Variants in NTM observed in about 807,000 individuals in gnomAD.
The protein encoded by NTM is neurotrimin, also known as IgLON family member 2.
Under a neutral mutation model 42.1 loss-of-function variants are expected in NTM, and 13 were observed. The ratio of observed to expected loss-of-function variants is 0.31; its 90% CI spans 0.20 to 0.49. The LOEUF (loss-of-function observed/expected upper bound fraction) is 0.49, where lower values mean the gene tolerates loss of function less well. Among genes scored for constraint, NTM ranks in the 20% least tolerant of loss-of-function variants. The probability of loss-of-function intolerance (pLI) is 0.99; values close to 1 mark genes in which losing one functional copy is unlikely to be tolerated. For synonymous variants in NTM, 187 were observed against 179.2 expected (o/e 1.04, Z -0.35); for missense variants, 373 against 452.8 (o/e 0.82, Z 1.60).
intron 7 of NTM, among the ~76,000 whole-genome samples, chr11:132,321,945 G>A (rs2095578528): frequency 7.0e-6 from 1 of 142,910 alleles, no homozygotes; most frequent in South Asian, 2.3e-4. Flanking sequence ...ATAAGTGAAG[G>A]AGAAATAAAA....
intron 1 of NTM, among the ~76,000 whole-genome samples, chr11:131,857,861 A>T (rs1274275653): frequency 6.6e-6 from 1 of 152,150 alleles, no homozygotes; most frequent in Non-Finnish European, 1.5e-5. Context: ...CTAAACTAGA[A>T]ATCTGATCAA....
chr11:132,275,141 G>A (rs560035879), intron 4 of NTM, among the ~76,000 whole-genome samples: 27 of 152,134 alleles, frequency 1.8e-4, no homozygotes, highest in Middle Eastern at 3.4e-3. Context: ...GATGTTCTAC[G>A]TTCTCTTCAA....
At chr11:131,995,564 G>A (rs2067847532) in intron 2 of NTM, among the ~76,000 whole-genome samples, 1 of 152,148 alleles carries the variant, frequency 6.6e-6, no homozygotes, top group Non-Finnish European at 1.5e-5. Context: ...AAGATCCCAA[G>A]TGGAAGAGAG....
At chr11:132,212,419 G>C (rs1206428924) in intron 4 of NTM, among the ~76,000 whole-genome samples, 1 of 152,178 alleles carries the variant, frequency 6.6e-6, no homozygotes, top group Non-Finnish European at 1.5e-5. Flanking sequence ...AAGGTGTTCT[G>C]GGTGAACTTT....
intron 1 of NTM, among the ~76,000 whole-genome samples, chr11:131,901,897 A>G (rs2053214123): frequency 6.6e-6 from 1 of 152,228 alleles, no homozygotes. Context: ...GACCTGCAGT[A>G]CCACTGGTAG....
intron 1 of NTM, among the ~76,000 whole-genome samples, chr11:131,874,988 A>T (rs140473371): frequency 3.9e-5 from 6 of 152,318 alleles, no homozygotes; most frequent in Non-Finnish European, 5.9e-5. Flanking sequence ...GCCTATTTGT[A>T]TGACGGGGCC....
intron 1 of NTM, among the ~76,000 whole-genome samples, chr11:131,864,851 GC>G (rs958944980): frequency 1.1e-4 from 16 of 152,254 alleles, no homozygotes; most frequent in African/African-American, 3.4e-4. Context: ...GCTGATATCT[GC>G]CCTTTTTAAT....
intron 2 of NTM, among the ~76,000 whole-genome samples, chr11:132,109,959 C>T (rs2062943655): frequency 6.6e-6 from 1 of 152,338 alleles, no homozygotes; most frequent in South Asian, 2.1e-4. Context: ...CAGTCCTCCA[C>T]CTGACAGGCT....
chr11:131,604,072 CTG>C (rs1457515419), intron 1 of NTM, among the ~76,000 whole-genome samples: 1 of 152,098 alleles, frequency 6.6e-6, no homozygotes, highest in Non-Finnish European at 1.5e-5. Flanking sequence ...CATATGATAA[CTG>C]TGTTTAAAAT....
At position 131,726,535 on chromosome 11, in the gene NTM, G is replaced by A. The variant is rs570434373; in HGVS notation, c.83-185029G>A. ...GGCTTGTTGGTTCTGGAGAGTGATC[G>A]CACAGCACAGAACAGAAAATGGCTT... On this transcript the variant is annotated intron_variant, in intron 1 of 8. Coordinates refer to ENST00000683400, the MANE Select transcript of NTM (RefSeq NM_001352005.2). Among the ~76,000 whole-genome samples, 50 of 151,138 alleles carry A rather than the reference G, an allele frequency of 3.3e-4. 3 individuals carry two copies. Among genetic ancestry groups the A allele is most frequent in the African/African-American group, 1.1e-3 (44 of 40,530 alleles).
In NTM at chr11:131,387,042, T is replaced by A. The variant is rs570465893; in HGVS notation, c.82+16154T>A. On this transcript the variant is annotated intron_variant, in intron 1 of 8. Coordinates refer to ENST00000683400, the MANE Select transcript of NTM (RefSeq NM_001352005.2). ...ATCTCCACATCAATCAGAATATCCT[T>A]TCTCAGCCCAGTCTATCATTAACTT... is the stretch of plus-strand genomic sequence containing the variant. 3.9e-5 allele frequency among the ~76,000 whole-genome samples: 6 copies of A among 152,338 alleles called. No individual in the cohort carries two copies. The South Asian group carries it at 1.2e-3, about 32-fold the overall frequency.
chr11:132,233,240 A>C (rs1332294880), intron 4 of NTM, among the ~76,000 whole-genome samples: 1 of 152,136 alleles, frequency 6.6e-6, no homozygotes, highest in Non-Finnish European at 1.5e-5. Flanking sequence ...ACATGGTGAA[A>C]CCCTGTCTCT....
intron 1 of NTM, chr11:131,539,393 T>G (rs1346380877): frequency 6.6e-6 from 1 of 152,206 alleles, no homozygotes; most frequent in African/African-American, 2.4e-5. Context: ...CGAATGTGAA[T>G]GGGGATGAAC....
At chr11:132,318,148 G>T (rs569894429) in intron 7 of NTM, among the ~76,000 whole-genome samples, 1 of 152,300 alleles carries the variant, frequency 6.6e-6, no homozygotes, top group Non-Finnish European at 1.5e-5. Flanking sequence ...AGGAGGATAG[G>T]CATGGCACTG....
intron 2 of NTM, among the ~76,000 whole-genome samples, chr11:132,086,023 C>A (rs911042647): frequency 9.9e-5 from 15 of 152,068 alleles, no homozygotes; most frequent in African/African-American, 3.4e-4. Flanking sequence ...TTCATACATG[C>A]ATTAAGAGTG....
chr11:132,109,166 C>T (rs1384560962), intron 2 of NTM, among the ~76,000 whole-genome samples: 2 of 148,418 alleles, frequency 1.3e-5, no homozygotes, highest in East Asian at 1.9e-4. Flanking sequence ...AATAAACATA[C>T]GTGTGCATGT....
chr11:131,696,192 TG>T (rs2075420004), intron 1 of NTM, among the ~76,000 whole-genome samples: 1 of 152,040 alleles, frequency 6.6e-6, no homozygotes, highest in Non-Finnish European at 1.5e-5. Context: ...GTATGGGGTG[TG>T]GGGTGATGTT....
intron 1 of NTM, among the ~76,000 whole-genome samples, chr11:131,834,941 A>G (rs1290057052): frequency 7.5e-6 from 1 of 132,484 alleles, no homozygotes; most frequent in African/African-American, 2.5e-5. Flanking sequence ...ATCCTCAGAG[A>G]GAGGTCACCA....
chr11:132,333,435 AG>A (rs917834564), intron 8 of NTM, among the ~76,000 whole-genome samples: 2 of 152,142 alleles, frequency 1.3e-5, no homozygotes, highest in African/African-American at 4.8e-5. Context: ...GCATCTACAA[AG>A]GGGGAACGTC....
Sources: gnomAD v4.1 joint callset for allele counts (sites outside exome capture counted in the v4.1 genomes callset) on GRCh38, gnomAD v4.1.1 for gene constraint, MANE v1.5 for transcripts, NCBI Gene and HGNC (gene_info 2026-07-23, HGNC 2026-07-21) for gene names.